ELSPBP1: variants seen among roughly 807,000 people sequenced by gnomAD.
ELSPBP1 encodes epididymal sperm-binding protein 1.
ELSPBP1 carries 38 observed loss-of-function variants against 33.3 expected under a neutral mutation model. The ratio of observed to expected loss-of-function variants is 1.14; its 90% CI spans 0.88 to 1.50. The LOEUF (loss-of-function observed/expected upper bound fraction) is 1.50, where lower values mean the gene tolerates loss of function less well. Among genes scored for constraint, ELSPBP1 ranks in the 40% most tolerant of loss-of-function variants. The pLI, the probability that ELSPBP1 is intolerant of heterozygous loss-of-function variation, is 0.00. For synonymous variants in ELSPBP1, 85 were observed against 94.1 expected (o/e 0.90, Z 0.56); for missense variants, 267 against 263.5 (o/e 1.01, Z -0.09).
intron 3 of ELSPBP1, among the ~76,000 whole-genome samples, chr19:48,014,796 G>T (rs925312199): frequency 5.3e-5 from 8 of 151,758 alleles, no homozygotes; most frequent in Admixed American, 4.6e-4. Flanking sequence ...GCCTGACAAT[G>T]AATGCTAATA....
intron 2 of ELSPBP1, among the ~76,000 whole-genome samples, chr19:48,010,499 G>A (rs1178110804): frequency 6.6e-6 from 1 of 152,188 alleles, no homozygotes; most frequent in Non-Finnish European, 1.5e-5. Context: ...TCCACTCAGA[G>A]AGTTCACAGT....
intron 1 of ELSPBP1, 84 bp downstream of exon 1, chr19:47,994,895 C>A (rs1966899440): frequency 6.6e-6 from 1 of 152,152 alleles, no homozygotes; most frequent in Non-Finnish European, 1.5e-5. Flanking sequence ...TCTAGAGCAT[C>A]ATGGTGCACT....
At chr19:48,006,481 G>A (rs772696274) in intron 1 of ELSPBP1, among the ~76,000 whole-genome samples, 4 of 151,770 alleles carry the variant, frequency 2.6e-5, no homozygotes, top group Admixed American at 6.6e-5. Flanking sequence ...AGGCGTGGTG[G>A]CACGTGCCTG....
At chr19:48,020,914 G>T (rs1455738320) in intron 5 of ELSPBP1, among the ~76,000 whole-genome samples, 2 of 152,108 alleles carry the variant, frequency 1.3e-5, no homozygotes, top group African/African-American at 2.4e-5. Flanking sequence ...ATAGCTGTGG[G>T]TGGGGGGGTG....
rs528342243 is a variant in ELSPBP1, at chr19:47,999,418, T to A, written c.-18+4607T>A. 3.8e-4 allele frequency among the ~76,000 whole-genome samples: 56 copies of A among 145,892 alleles called. No individual in the cohort carries two copies. In the South Asian group the frequency reaches 0.012, roughly 31 times the overall value. Reference sequence around the variant, plus strand: ...TTTTTTTTTTTTTTGAGAAAGAGTCTCGCTCTGCCACCCAGGCTGGAATGC... The same window carrying A: ...TTTTTTTTTTTTTTGAGAAAGAGTCACGCTCTGCCACCCAGGCTGGAATGC... On this transcript the variant is annotated intron_variant, in intron 1 of 6. Coordinates refer to ENST00000339841, the MANE Select transcript of ELSPBP1 (RefSeq NM_022142.5).
At chr19:47,997,820 C>A (rs1386713446) in intron 1 of ELSPBP1, among the ~76,000 whole-genome samples, 2 of 152,160 alleles carry the variant, frequency 1.3e-5, no homozygotes, top group Non-Finnish European at 2.9e-5. Flanking sequence ...TGCAACTCTT[C>A]TCTTCTAGGT....
intron 6 of ELSPBP1, among the ~76,000 whole-genome samples, chr19:48,023,403 G>T (rs1347858700): frequency 1.1e-5 from 1 of 93,930 alleles, no homozygotes; most frequent in Non-Finnish European, 2.2e-5. Context: ...GAGGGAGGAA[G>T]TGAGGGAGGA....
At position 48,014,318 on chromosome 19, in the gene ELSPBP1, A is replaced by G. The variant is rs537927439; in HGVS notation, c.208+10A>G. ...TACTGCCAGAGTGAAGGTGAGTGGT[A>G]TCACATTGTCCCTGCCAGTGGCCTT... On this transcript the variant is annotated intron_variant, in intron 3 of 6. Coordinates refer to ENST00000339841, the MANE Select transcript of ELSPBP1 (RefSeq NM_022142.5). The G allele has an allele frequency of 1.2e-6, 2 of 1,612,852 alleles. No individual in the cohort carries two copies. Among genetic ancestry groups the G allele is most frequent in the African/African-American group, 1.3e-5 (1 of 75,036 alleles).
At chr19:48,000,089 G>T (rs1312965095) in intron 1 of ELSPBP1, among the ~76,000 whole-genome samples, 1 of 152,098 alleles carries the variant, frequency 6.6e-6, no homozygotes, top group Non-Finnish European at 1.5e-5. Flanking sequence ...GCCTCCCAAA[G>T]TGCTGGGATT....
chr19:48,005,219 GA>G (rs1967005729), intron 1 of ELSPBP1, among the ~76,000 whole-genome samples: 1 of 151,186 alleles, frequency 6.6e-6, no homozygotes, highest in South Asian at 2.1e-4. Flanking sequence ...AAAAAGAAAA[GA>G]AAAAAGAAAA....
intron 4 of ELSPBP1, among the ~76,000 whole-genome samples, chr19:48,018,448 T>A (rs1201508590): frequency 6.6e-6 from 1 of 152,196 alleles, no homozygotes. Context: ...TGGAATTCTG[T>A]TGTTTCCCTT....
rs35362679 is a variant in ELSPBP1, at chr19:48,019,871, G to A, written c.508G>A (p.Asp170Asn). ...DKDGKWSFCADTRISALVPGF... is the reference protein window; with the variant it reads ...DKDGKWSFCANTRISALVPGF... ...GGATGGAAAGTGGAGTTTCTGTGCC[G>A]ACACCAGTAATCTGGGGATGGGGGT... is the stretch of plus-strand genomic sequence containing the variant. The change falls in exon 5 of 7, where the codon GAC (aspartate) becomes AAC (asparagine). Residue 170 changes from aspartate (D) to asparagine (N), a missense_variant. Transcript: ENST00000339841. 42,931 of 1,576,774 alleles carry A rather than the reference G, an allele frequency of 0.027. 817 individuals carry two copies. The highest frequency in any genetic ancestry group is 0.086 in the African/African-American group (6,412 of 74,138).
intron 1 of ELSPBP1, among the ~76,000 whole-genome samples, chr19:47,997,054 G>A (rs2122284350): frequency 6.6e-6 from 1 of 152,278 alleles, no homozygotes; most frequent in South Asian, 2.1e-4. Context: ...GGGGTAAGCT[G>A]TGAAGTACCT....
intron 2 of ELSPBP1, among the ~76,000 whole-genome samples, chr19:48,010,714 C>CA (rs920602252): frequency 6.8e-6 from 1 of 146,188 alleles, no homozygotes; most frequent in Non-Finnish European, 1.5e-5. Context: ...ACCAAAATCT[C>CA]AAAGACGAGA....
In ELSPBP1 at chr19:47,999,392, T is replaced by TTC. The variant is rs1423372944; in HGVS notation, c.-18+4582_-18+4583insCT. On this transcript the variant is annotated intron_variant, in intron 1 of 6. Transcript: ENST00000339841. ...CCATACTGAAAGCCTCATTTCTTTT[T>TTC]TTTTTTTTTTTTTTGAGAAAGAGTC... is the stretch of plus-strand genomic sequence containing the variant. Among the ~76,000 whole-genome samples the TTC allele has an allele frequency of 4.3e-3, 628 of 146,012 alleles. 4 individuals carry two copies. Among genetic ancestry groups the TTC allele is most frequent in the African/African-American group, 0.015 (590 of 39,736 alleles).
chr19:48,014,112 A>G, intron 2 of ELSPBP1, 59 bp from the exon 3 acceptor site: 2 of 1,582,816 alleles, frequency 1.3e-6, no homozygotes, highest in Non-Finnish European at 1.7e-6. Context: ...ACCAAGACTC[A>G]TCCTTTGCTA....
At chr19:48,005,957 T>TTTTTG (rs1967013177) in intron 1 of ELSPBP1, among the ~76,000 whole-genome samples, 2 of 152,018 alleles carry the variant, frequency 1.3e-5, no homozygotes, top group South Asian at 2.1e-4. Context: ...TTTTATCTGT[T>TTTTTG]TTTTGTTTTG....
intron 1 of ELSPBP1, among the ~76,000 whole-genome samples, chr19:48,000,016 G>T (rs1044576562): frequency 6.6e-6 from 1 of 151,148 alleles, no homozygotes; most frequent in Non-Finnish European, 1.5e-5. Context: ...GAGAAGGAGG[G>T]GGTCTCACTA....
chr19:48,019,981 C>A, intron 5 of ELSPBP1, 104 bp downstream of exon 5: 2 of 1,227,466 alleles, frequency 1.6e-6, no homozygotes, highest in Non-Finnish European at 2.2e-6. Flanking sequence ...CTGAGTTGGG[C>A]ACTGAGGATC....
Sources: gnomAD v4.1 joint callset for allele counts (sites outside exome capture counted in the v4.1 genomes callset) on GRCh38, gnomAD v4.1.1 for gene constraint, MANE v1.5 for transcripts, NCBI Gene and HGNC (gene_info 2026-07-23, HGNC 2026-07-21) for gene names.